Variants in PARVB observed in about 807,000 individuals in gnomAD.
The protein encoded by PARVB is beta-parvin.
A neutral mutation model predicts 47.0 loss-of-function variants in PARVB; 46 were observed. The ratio of observed to expected loss-of-function variants is 0.98; its 90% CI spans 0.77 to 1.25. The LOEUF is 1.25. Ranked by LOEUF, PARVB falls within the 50% of genes most tolerant of loss-of-function variation. PARVB has a pLI of 0.00. For synonymous variants in PARVB, 196 were observed against 196.3 expected, an observed-to-expected ratio of 1.00 and a Z score of 0.01; for missense variants, 473 against 471.6, an observed-to-expected ratio of 1.00 and a Z score of -0.03.
chr22:44,164,394 G>A (rs972895273), intron 12 of PARVB, among the ~76,000 whole-genome samples: 4 of 131,080 alleles, frequency 3.1e-5, no homozygotes, highest in Non-Finnish European at 6.3e-5. Flanking sequence ...GCTGGGGCGG[G>A]CGGTTGCTTC....
chr22:44,158,624 A>G (rs1000515389), intron 11 of PARVB, among the ~76,000 whole-genome samples: 1 of 152,120 alleles, frequency 6.6e-6, no homozygotes, highest in Non-Finnish European at 1.5e-5. Flanking sequence ...AATTTCTCAA[A>G]TAGGGTCAAA....
At chr22:44,164,945 G>C (rs2054134448) in intron 12 of PARVB, among the ~76,000 whole-genome samples, 1 of 152,118 alleles carries the variant, frequency 6.6e-6, no homozygotes, top group African/African-American at 2.4e-5. Flanking sequence ...CCTCCTCTTG[G>C]GGTTTCACAG....
intron 2 of PARVB, among the ~76,000 whole-genome samples, chr22:44,015,408 C>G (rs1263555475): frequency 1.3e-5 from 2 of 152,204 alleles, no homozygotes; most frequent in African/African-American, 4.8e-5. Flanking sequence ...AAAGGGCTAC[C>G]TGGGGCCAGG....
At position 44,056,376 on chromosome 22, in the gene PARVB, A is replaced by T. The variant is rs1004527; in HGVS notation, c.112+31925A>T. Among the ~76,000 whole-genome samples the T allele has an allele frequency of 7.2e-3, 1,093 of 152,338 alleles. 19 individuals are homozygous for T. The highest frequency in any genetic ancestry group is 0.025 in the African/African-American group (1,054 of 41,570). ...AGGTGGGTGAAGGGCACACACACGG[A>T]TGCAGCGTTGCCCGGGTTCGAATTC... On this transcript the variant is annotated intron_variant, in intron 1 of 12. Coordinates refer to ENST00000338758, the MANE Select transcript of PARVB (RefSeq NM_013327.5).
Position 44,032,488 on chromosome 22 carries a change from A to C in PARVB, c.112+8037A>C, listed in dbSNP as rs2146896268. Among the ~76,000 whole-genome samples, 2 of 151,668 alleles carry C rather than the reference A, an allele frequency of 1.3e-5. 1 individual carries two copies. The highest frequency in any genetic ancestry group is 6.8e-3 in the Middle Eastern group (2 of 294). On this transcript the variant is annotated intron_variant, in intron 1 of 12. Coordinates refer to ENST00000338758, the MANE Select transcript of PARVB (RefSeq NM_013327.5). Reference sequence around the variant, plus strand: ...CCAGCTCTGCGTTTCTGAGCTGCTGAGTTTGCCCTGGTTCTGAGAATGCCC... The same window carrying C: ...CCAGCTCTGCGTTTCTGAGCTGCTGCGTTTGCCCTGGTTCTGAGAATGCCC...
intron 3 of PARVB, chr22:44,106,189 G>A (rs1429530096): frequency 7.2e-6 from 1 of 138,818 alleles, no homozygotes; most frequent in Non-Finnish European, 1.5e-5. Context: ...CCTGTGAGAT[G>A]GCAGGGAGGA....
chr22:44,022,432 C>T (rs1425154472), upstream of PARVB, among the ~76,000 whole-genome samples: 2 of 152,110 alleles, frequency 1.3e-5, no homozygotes, highest in Non-Finnish European at 2.9e-5. Context: ...CCATGCTGGC[C>T]ACGCTACACG....
At chr22:44,012,069 C>G (rs1170941942) in intron 2 of PARVB, among the ~76,000 whole-genome samples, 1 of 152,210 alleles carries the variant, frequency 6.6e-6, no homozygotes, top group Non-Finnish European at 1.5e-5. Flanking sequence ...CCCCCATTTT[C>G]TCATAGCTGG....
At chr22:44,070,407 A>G (rs1237290073) in intron 1 of PARVB, among the ~76,000 whole-genome samples, 1 of 151,952 alleles carries the variant, frequency 6.6e-6, no homozygotes, top group Non-Finnish European at 1.5e-5. Context: ...CTCCTTCCCC[A>G]CTTTTGTGGA....
intron 3 of PARVB, among the ~76,000 whole-genome samples, chr22:44,118,142 AG>A (rs1182272429): frequency 6.6e-6 from 1 of 152,214 alleles, no homozygotes; most frequent in Non-Finnish European, 1.5e-5. Flanking sequence ...ATACCTAAAA[AG>A]GGGTGATAAC....
chr22:44,124,548 T>C (rs28392996), intron 4 of PARVB, among the ~76,000 whole-genome samples: 1,488 of 145,422 alleles, frequency 0.01, 24 homozygotes, highest in African/African-American at 0.036. Flanking sequence ...AGGGTCTCCC[T>C]GGGGGCTGTC....
upstream of PARVB, among the ~76,000 whole-genome samples, chr22:44,023,745 G>A (rs1016717198): frequency 7.2e-5 from 11 of 151,914 alleles, no homozygotes; most frequent in African/African-American, 2.7e-4. Flanking sequence ...TCATGGTACC[G>A]GCCTGCAAGC....
In PARVB at chr22:44,133,621, C is replaced by T. The variant is rs143797695; in HGVS notation, c.633+612C>T. On this transcript the variant is annotated intron_variant, in intron 6 of 12. Coordinates refer to ENST00000338758, the MANE Select transcript of PARVB (RefSeq NM_013327.5). ...TGGTGCAGTCATGGCTCACTGCAGC[C>T]TCAACCTCTTGGGCTCAAGCGGTCC... Among the ~76,000 whole-genome samples, 111 of 152,322 alleles carry T rather than the reference C, an allele frequency of 7.3e-4. 1 individual carries two copies. Among genetic ancestry groups the T allele is most frequent in the African/African-American group, 2.1e-3 (89 of 41,558 alleles).
chr22:44,005,743 A>G (rs957181342), intron 2 of PARVB, among the ~76,000 whole-genome samples: 6 of 152,124 alleles, frequency 3.9e-5, no homozygotes, highest in Admixed American at 2.6e-4. Context: ...CCCACAACCA[A>G]TCAGACTGGT....
At position 44,047,923 on chromosome 22, in the gene PARVB, G is replaced by A. The variant is rs143084117; in HGVS notation, c.112+23472G>A. 8.1e-4 allele frequency among the ~76,000 whole-genome samples: 124 copies of A among 152,280 alleles called. 1 individual carries two copies. The highest frequency in any genetic ancestry group is 2.9e-3 in the African/African-American group (119 of 41,556). Reference sequence around the variant, plus strand: ...TGGGGGTGGGCGGTGCCTCCCCTCCGGCTCCCCTGAGTCAGCCCCGGGGAA... The same window carrying A: ...TGGGGGTGGGCGGTGCCTCCCCTCCAGCTCCCCTGAGTCAGCCCCGGGGAA... On this transcript the variant is annotated intron_variant, in intron 1 of 12. Coordinates refer to ENST00000338758, the MANE Select transcript of PARVB (RefSeq NM_013327.5).
chr22:44,125,601 T>C lies in PARVB; in HGVS notation c.377-5886T>C, dbSNP rs904847584. Among the ~76,000 whole-genome samples, 2 of 151,868 alleles carry C rather than the reference T, an allele frequency of 1.3e-5. No homozygotes were observed. Among genetic ancestry groups the C allele is most frequent in the Non-Finnish European group, 2.9e-5 (2 of 67,952 alleles). ...TAAAGCGAGAAAGAGCCTGTTGTGT[T>C]GGAGGAGCAGTGAAAAGAAGCGGAG... On this transcript the variant is annotated intron_variant, in intron 4 of 12. Coordinates refer to ENST00000338758, the MANE Select transcript of PARVB (RefSeq NM_013327.5). The surrounding 1 kb of genome is among the most constrained non-coding windows in gnomAD (Gnocchi z 4.1).
At chr22:44,156,279 C>CT (rs71188434) in intron 10 of PARVB, among the ~76,000 whole-genome samples, 54,907 of 126,372 alleles carry the variant, frequency 0.43, 13,082 homozygotes, top group African/African-American at 0.59. Context: ...GACTTTTCAT[C>CT]TTTTTTTTTT....
chr22:44,154,129 G>T (rs2053868101), intron 10 of PARVB, among the ~76,000 whole-genome samples: 1 of 152,194 alleles, frequency 6.6e-6, no homozygotes, highest in African/African-American at 2.4e-5. Context: ...CTGCACATCA[G>T]TATTAGCAGC....
intron 1 of PARVB, among the ~76,000 whole-genome samples, chr22:44,039,399 GGCGTGGTGGTGCAT>G (rs1338455953): frequency 8.5e-5 from 13 of 152,124 alleles, no homozygotes; most frequent in Non-Finnish European, 1.3e-4. Flanking sequence ...AAATTAGCTG[GGCGTGGTGGTGCAT>G]GCCTGTAATC....
Sources: gnomAD v4.1 joint callset for allele counts (sites outside exome capture counted in the v4.1 genomes callset) on GRCh38, gnomAD v4.1.1 for gene constraint, Gnocchi (gnomAD v3.1) non-coding constraint, MANE v1.5 for transcripts, NCBI Gene and HGNC (gene_info 2026-07-23, HGNC 2026-07-21) for gene names.